The following CFTR variants were observed in gnomAD, a reference collection of about 807,000 sequenced individuals.
The protein encoded by CFTR is cystic fibrosis transmembrane conductance regulator.
A neutral mutation model predicts 171.6 loss-of-function variants in CFTR; 181 were observed. The observed-to-expected ratio is 1.05, with a 90% CI of 0.93 to 1.19. The LOEUF (loss-of-function observed/expected upper bound fraction) is 1.19, where lower values mean the gene tolerates loss of function less well. Ranked by LOEUF, CFTR falls within the 50% of genes most tolerant of loss-of-function variation. CFTR has a pLI of 0.00. For missense variants in CFTR, 1,968 were observed against 1,734.7 expected (o/e 1.13, Z -2.39); for synonymous variants, 583 against 608.0 (o/e 0.96, Z 0.60).
intron 21 of CFTR, 29 bp downstream of exon 21, chr7:117,614,742 T>C (rs372892977): frequency 1.5e-5 from 22 of 1,485,254 alleles, no homozygotes; most frequent in Non-Finnish European, 7.5e-6. Context: ...TTAACTTTTA[T>C]GAAAAAAATT....
chr7:117,552,008 ATAGTT>A (rs1166432542), intron 10 of CFTR, among the ~76,000 whole-genome samples: 1 of 152,198 alleles, frequency 6.6e-6, no homozygotes, highest in Non-Finnish European at 1.5e-5. Flanking sequence ...ATGTCTGCAA[ATAGTT>A]TTATCAATAT....
chr7:117,629,314 GT>G (rs1792702436), intron 22 of CFTR, among the ~76,000 whole-genome samples: 2 of 152,132 alleles, frequency 1.3e-5, no homozygotes, highest in Non-Finnish European at 2.9e-5. Flanking sequence ...AACAAATTTA[GT>G]TTAAAGACCT....
At chr7:117,649,294 G>A (rs1207210166) in intron 23 of CFTR, among the ~76,000 whole-genome samples, 3 of 150,236 alleles carry the variant, frequency 2.0e-5, no homozygotes, top group Non-Finnish European at 4.4e-5. Context: ...GTGTGTGTGT[G>A]TGTGTGTGTA....
intron 11 of CFTR, among the ~76,000 whole-genome samples, chr7:117,565,308 G>A (rs1791583484): frequency 2.0e-5 from 3 of 152,176 alleles, no homozygotes; most frequent in Admixed American, 1.3e-4. Flanking sequence ...GTTATTAAAA[G>A]GGGGACAGAG....
rs534559351 is a variant in CFTR at position 117,607,937 on chromosome 7, AAATGCTGAC to A, written c.2988+1186_2988+1194del. Reference sequence around the variant, plus strand: ...TCAAAGAAACATGTCCTGAGTCACTAAATGCTGACATTTGTTTTTCATGTTAAGAGTGTA... The same window carrying A: ...TCAAAGAAACATGTCCTGAGTCACTAATTTGTTTTTCATGTTAAGAGTGTA... On this transcript the variant is annotated intron_variant, in intron 18 of 26. Coordinates refer to ENST00000003084, the MANE Select transcript of CFTR (RefSeq NM_000492.4). Among the ~76,000 whole-genome samples, 80 of 152,320 alleles carry A rather than the reference AAATGCTGAC, an allele frequency of 5.3e-4. 2 individuals carry two copies. The South Asian group carries it at 0.013, about 26-fold the overall frequency.
At chr7:117,558,975 T>C (rs1259546637) in intron 10 of CFTR, among the ~76,000 whole-genome samples, 2 of 152,218 alleles carry the variant, frequency 1.3e-5, no homozygotes, top group Admixed American at 1.3e-4. Flanking sequence ...TTAAATGACT[T>C]TATACTCCAA....
At chr7:117,553,698 C>G (rs1243650038) in intron 10 of CFTR, among the ~76,000 whole-genome samples, 2 of 152,236 alleles carry the variant, frequency 1.3e-5, no homozygotes, top group Non-Finnish European at 1.5e-5. Context: ...AGGAATTTCT[C>G]TCTATATAAA....
At chr7:117,554,839 G>T (rs1192024980) in intron 10 of CFTR, among the ~76,000 whole-genome samples, 1 of 152,112 alleles carries the variant, frequency 6.6e-6, no homozygotes, top group Non-Finnish European at 1.5e-5. Context: ...GAAATACGGA[G>T]ATAACTCGTG....
rs776388660 is a variant in CFTR, at chr7:117,665,464, A to C, written c.4142A>C (p.Tyr1381Ser). Residue 1381 changes from tyrosine to serine, a missense_variant, in exon 26 of 27, where the codon TAC (tyrosine) becomes TCC (serine). By Grantham distance (144) the Tyr-to-Ser change is moderately radical. Transcript: ENST00000003084. ...GTATTTTCTTTCTTTTCTAGAACAT[A>C]CCAAATAATTAGAAGAACTCTAAAA... is the stretch of plus-strand genomic sequence containing the variant. ...EPSAHLDPVT[Y>S]QIIRRTLKQA... 2 of 1,590,150 alleles carry C rather than the reference A, an allele frequency of 1.3e-6. No individual in the cohort carries two copies. Among genetic ancestry groups the C allele is most frequent in the Non-Finnish European group, 1.7e-6 (2 of 1,158,400 alleles).
At chr7:117,548,333 G>GGTGTGTGTGTGTGTGTGTGTGT (rs3034794) in intron 9 of CFTR, among the ~76,000 whole-genome samples, 7 of 144,072 alleles carry the variant, frequency 4.9e-5, no homozygotes, top group South Asian at 2.2e-4. Context: ...AGGAGAAGAG[G>GGTGTGTGTGTGTGTGTGTGTGT]GTGTGTGTGT....
chr7:117,608,880 T>C (rs528446584), intron 18 of CFTR, among the ~76,000 whole-genome samples: 1 of 152,342 alleles, frequency 6.6e-6, no homozygotes, highest in African/African-American at 2.4e-5. Flanking sequence ...CTATTTTCTA[T>C]TATTTTTCTC....
rs2116674841 is a variant in CFTR, at chr7:117,534,267, T to A, written c.490-9T>A. On this transcript the variant is annotated splice_polypyrimidine_tract_variant and intron_variant, in intron 4 of 26. Transcript: ENST00000003084. ...GTTGAAATTATCTAACTTTCCATTT[T>A]TCTTTTAGACTTTAAAGCTGTCAAG... 7.1e-7 allele frequency: 1 copy of A among 1,411,078 alleles called. No individual in the cohort carries two copies. The highest frequency in any genetic ancestry group is 1.0e-6 in the Non-Finnish European group (1 of 996,856). The allele number at this position is 1,411,078 out of a possible 1,614,324, so 87.4% of individuals were successfully genotyped here.
chr7:117,649,493 GTGTGTA>G (rs1232142839), intron 23 of CFTR, among the ~76,000 whole-genome samples: 16 of 123,674 alleles, frequency 1.3e-4, no homozygotes, highest in African/African-American at 5.8e-4. Flanking sequence ...TAGTGTGTGT[GTGTGTA>G]TATATATATA....
intron 10 of CFTR, among the ~76,000 whole-genome samples, chr7:117,552,102 A>G (rs1026785568): frequency 1.6e-4 from 24 of 152,126 alleles, no homozygotes; most frequent in African/African-American, 5.3e-4. Context: ...ATATGACACT[A>G]TACATGATTT....
At chr7:117,618,331 A>G (rs906341837) in intron 21 of CFTR, among the ~76,000 whole-genome samples, 2 of 152,112 alleles carry the variant, frequency 1.3e-5, no homozygotes, top group African/African-American at 4.8e-5. Flanking sequence ...TCTCCTAAAA[A>G]TACAAAAATT....
chr7:117,517,560 G>A (rs1217055358), intron 3 of CFTR, among the ~76,000 whole-genome samples: 2 of 152,100 alleles, frequency 1.3e-5, no homozygotes, highest in East Asian at 3.9e-4. Context: ...ATAATCCTTT[G>A]GGTATGTACC....
chr7:117,662,769 G>C (rs1681840317), intron 24 of CFTR, among the ~76,000 whole-genome samples: 1 of 152,064 alleles, frequency 6.6e-6, no homozygotes, highest in African/African-American at 2.4e-5. Context: ...TAATAGAGTT[G>C]GTAAGGAGGA....
chr7:117,548,116 A>AT (rs1228777289), intron 9 of CFTR, among the ~76,000 whole-genome samples: 3 of 152,202 alleles, frequency 2.0e-5, no homozygotes, highest in African/African-American at 7.2e-5. Context: ...AACAATAATT[A>AT]CTTAAAGAAA....
chr7:117,569,992 C>T (rs937565210), intron 11 of CFTR, among the ~76,000 whole-genome samples: 1 of 151,890 alleles, frequency 6.6e-6, no homozygotes, highest in African/African-American at 2.4e-5. Context: ...TCAGCATCAA[C>T]AATAAAAAAT....
Sources: gnomAD v4.1 joint callset for allele counts (sites outside exome capture counted in the v4.1 genomes callset) on GRCh38, gnomAD v4.1.1 for gene constraint, MANE v1.5 for transcripts, NCBI Gene and HGNC (gene_info 2026-07-23, HGNC 2026-07-21) for gene names.